ANKIB1: variants seen among roughly 807,000 people sequenced by gnomAD.
ANKIB1 encodes ankyrin repeat and IBR domain containing 1.
A neutral mutation model predicts 122.1 loss-of-function variants in ANKIB1; 43 were observed. The ratio of observed to expected loss-of-function variants is 0.35; its 90% CI spans 0.28 to 0.45. The LOEUF is 0.45. Among genes scored for constraint, ANKIB1 ranks in the 20% least tolerant of loss-of-function variants. The probability of loss-of-function intolerance (pLI) is 1.00; values close to 1 mark genes in which losing one functional copy is unlikely to be tolerated. For missense variants in ANKIB1, 992 were observed against 1,329.5 expected (o/e 0.75, Z 3.95); for synonymous variants, 390 against 442.0 (o/e 0.88, Z 1.48).
At chr7:92,319,182 C>CTT (rs1292818656) in intron 3 of ANKIB1, 148 bp from the exon 4 acceptor site, 10 of 371,046 alleles carry the variant, frequency 2.7e-5, no homozygotes, top group African/African-American at 4.4e-5. Context: ...ATCTAAATAC[C>CTT]TTTTTTTTTT....
intron 9 of ANKIB1, among the ~76,000 whole-genome samples, chr7:92,356,571 A>G (rs746929200): frequency 1.1e-4 from 16 of 152,242 alleles, no homozygotes; most frequent in Non-Finnish European, 1.5e-4. Context: ...TCAACACAGT[A>G]CAGAGTTATA....
chr7:92,367,864 T>A (rs1455128966), intron 10 of ANKIB1, among the ~76,000 whole-genome samples: 5 of 152,158 alleles, frequency 3.3e-5, no homozygotes, highest in Non-Finnish European at 5.9e-5. Flanking sequence ...TATTTAAAAA[T>A]TCAGTCTTTG....
At position 92,246,300 on chromosome 7, in the gene ANKIB1, C is replaced by T. The variant is rs1800994296; in HGVS notation, c.-310C>T. The T allele has an allele frequency of 2.5e-6, 1 of 408,102 alleles. No homozygotes were observed. Among genetic ancestry groups the T allele is most frequent in the Non-Finnish European group, 4.8e-6 (1 of 208,896 alleles). The allele number at this position is 408,102 out of a possible 1,614,324, so 25.3% of individuals were successfully genotyped here. On this transcript the variant is annotated 5_prime_UTR_variant, in exon 1 of 20. Transcript: ENST00000265742. The stretch of plus-strand genomic sequence containing the variant: ...AGCCTCGCCGCGGGCGCCTTCGGCT[C>T]ACGCAGCGCTTCCCGCGGGCCGCCA...
chr7:92,323,529 C>G (rs767723587), intron 4 of ANKIB1, among the ~76,000 whole-genome samples: 11 of 152,016 alleles, frequency 7.2e-5, no homozygotes, highest in Non-Finnish European at 1.2e-4. Flanking sequence ...TCACATGTCC[C>G]TGTATTTTTC....
At chr7:92,249,805 TTA>T (rs1801286451) in intron 1 of ANKIB1, among the ~76,000 whole-genome samples, 2 of 152,126 alleles carry the variant, frequency 1.3e-5, no homozygotes, top group African/African-American at 4.8e-5. Context: ...TTTACATACG[TTA>T]TCTCATTTAA....
intron 9 of ANKIB1, among the ~76,000 whole-genome samples, chr7:92,356,454 T>A (rs1448794189): frequency 1.3e-5 from 2 of 152,214 alleles, no homozygotes; most frequent in African/African-American, 2.4e-5. Context: ...TGATACTACT[T>A]ATTTGGCAGT....
intron 1 of ANKIB1, among the ~76,000 whole-genome samples, chr7:92,252,935 A>G (rs1463789765): frequency 6.6e-6 from 1 of 151,486 alleles, no homozygotes; most frequent in Non-Finnish European, 1.5e-5. Context: ...TTTGTGAAAG[A>G]TGGTATTTAA....
intron 1 of ANKIB1, among the ~76,000 whole-genome samples, chr7:92,261,894 C>A (rs1801572827): frequency 6.6e-6 from 1 of 152,178 alleles, no homozygotes; most frequent in Non-Finnish European, 1.5e-5. Flanking sequence ...TTGAAAGAGT[C>A]ATTGTAGCAC....
chr7:92,265,325 A>G (rs552304243), intron 1 of ANKIB1, among the ~76,000 whole-genome samples: 17 of 152,314 alleles, frequency 1.1e-4, no homozygotes, highest in African/African-American at 4.1e-4. Flanking sequence ...GTTAAAGCCT[A>G]AGAATTGAGG....
At chr7:92,354,154 G>A (rs904479265) in intron 9 of ANKIB1, among the ~76,000 whole-genome samples, 7 of 152,106 alleles carry the variant, frequency 4.6e-5, no homozygotes, top group African/African-American at 1.7e-4. Flanking sequence ...AATAAGTTTG[G>A]TTTGACTGAA....
rs932375348 is a variant in ANKIB1, at chr7:92,246,247, G to C, written c.-363G>C. 6.6e-5 allele frequency: 25 copies of C among 381,102 alleles called. No homozygotes were observed. Among genetic ancestry groups the C allele is most frequent in the Non-Finnish European group, 1.2e-4 (24 of 200,434 alleles). 23.6% of individuals were successfully genotyped at this position (381,102 alleles called of 1,614,324 possible). A position where few individuals can be genotyped will look rare whatever the true frequency, so the allele number is the denominator to read the frequency against. On this transcript the variant is annotated 5_prime_UTR_variant, in exon 1 of 20. Transcript: ENST00000265742. ...CGAGTGAGGCGGCGCAGCGGCCGGAGAGGGATGGGGGGCGCCCACCCAGTC... is the reference window on the plus strand; with the variant it reads ...CGAGTGAGGCGGCGCAGCGGCCGGACAGGGATGGGGGGCGCCCACCCAGTC...
rs151268711 is a variant in ANKIB1, at chr7:92,258,542, C to T, written c.-91+12023C>T. Among the ~76,000 whole-genome samples, 670 of 152,298 alleles carry T rather than the reference C, an allele frequency of 4.4e-3. 5 individuals carry two copies. Among genetic ancestry groups the T allele is most frequent in the African/African-American group, 0.015 (627 of 41,562 alleles). The stretch of plus-strand genomic sequence containing the variant: ...TTTTGTATGAAATTAATTTGTTTCT[C>T]TCCTGTGTCTTAGAATGGTACTGGT... On this transcript the variant is annotated intron_variant, in intron 1 of 19. Transcript: ENST00000265742.
chr7:92,271,423 A>C (rs1801788171), intron 1 of ANKIB1, among the ~76,000 whole-genome samples: 1 of 152,146 alleles, frequency 6.6e-6, no homozygotes, highest in East Asian at 1.9e-4. Flanking sequence ...TCTTTTTAAA[A>C]ATTTTTTAGT....
intron 4 of ANKIB1, among the ~76,000 whole-genome samples, chr7:92,324,349 T>A (rs997215162): frequency 1.3e-5 from 2 of 152,190 alleles, no homozygotes; most frequent in African/African-American, 4.8e-5. Flanking sequence ...TTCTCCTGCC[T>A]GAGCCTCCCA....
chr7:92,339,874 T>A (rs1466504142), intron 5 of ANKIB1, among the ~76,000 whole-genome samples: 2 of 152,036 alleles, frequency 1.3e-5, no homozygotes, highest in African/African-American at 4.8e-5. Flanking sequence ...ACATTTAATT[T>A]CTACTTTGCC....
intron 4 of ANKIB1, among the ~76,000 whole-genome samples, chr7:92,322,274 A>G (rs1434964010): frequency 1.3e-5 from 2 of 152,186 alleles, no homozygotes; most frequent in South Asian, 4.1e-4. Flanking sequence ...ATCAGGTAAT[A>G]ATAGTAGGCA....
chr7:92,322,743 CT>C (rs1802939250), intron 4 of ANKIB1, among the ~76,000 whole-genome samples: 5 of 152,118 alleles, frequency 3.3e-5, no homozygotes, highest in Admixed American at 3.3e-4. Flanking sequence ...TGCTAAACTT[CT>C]AAGTAATTTA....
chr7:92,297,938 C>T (rs1214624450), intron 2 of ANKIB1, among the ~76,000 whole-genome samples: 1 of 152,124 alleles, frequency 6.6e-6, no homozygotes, highest in Non-Finnish European at 1.5e-5. Flanking sequence ...ACCCACTTAG[C>T]TTCATTCCGG....
At chr7:92,293,120 A>G (rs1321247168) in intron 1 of ANKIB1, among the ~76,000 whole-genome samples, 1 of 152,204 alleles carries the variant, frequency 6.6e-6, no homozygotes, top group African/African-American at 2.4e-5. Flanking sequence ...ACTTAGCTGC[A>G]GGGCACCAGA....
Sources: allele counts gnomAD v4.1 joint callset (sites outside exome capture counted in the v4.1 genomes callset), GRCh38; gene constraint gnomAD v4.1.1; transcripts MANE v1.5; gene names NCBI Gene and HGNC (gene_info 2026-07-23, HGNC 2026-07-21).